Variants in ITGB4 observed in about 807,000 individuals in gnomAD.
ITGB4 encodes the protein integrin subunit beta 4.
In ITGB4, 159 loss-of-function variants were observed where a neutral mutation model predicts 207.6. The ratio of observed to expected loss-of-function variants is 0.77; its 90% CI spans 0.67 to 0.87. The LOEUF (loss-of-function observed/expected upper bound fraction) is 0.87. Among genes scored for constraint, ITGB4 ranks in the 40% least tolerant of loss-of-function variants. The pLI is 0.00. For synonymous variants in ITGB4, 1,020 were observed against 1,062.7 expected (o/e 0.96, Z 0.78); for missense variants, 2,278 against 2,546.8 (o/e 0.89, Z 2.27).
Position 75,750,675 on chromosome 17 carries a change from G to A in ITGB4, c.3475-5G>A, listed in dbSNP as rs750146295. 11 of 1,612,762 alleles carry A rather than the reference G, an allele frequency of 6.8e-6. No individual in the cohort carries two copies. The Admixed American group carries it at 1.2e-4, about 17-fold the overall frequency. ...GCTGACCAGGACCCCTGTCCCTGGG[G>A]GTAGGTAAAGTACTGGATTCAGGGT... On this transcript the variant is annotated splice_polypyrimidine_tract_variant and splice_region_variant and intron_variant, in intron 28 of 39. Coordinates refer to ENST00000200181, the MANE Select transcript of ITGB4 (RefSeq NM_000213.5). This position sits in a 1 kb window ranked among gnomAD's most constrained non-coding sequence, Gnocchi z 5.5.
chr17:75,736,772 T>G lies in ITGB4; in HGVS notation c.1990+78T>G, dbSNP rs1017077739. 17 of 1,487,984 alleles carry G rather than the reference T, an allele frequency of 1.1e-5. No homozygotes were observed. The Admixed American group carries it at 1.4e-4, about 12-fold the overall frequency. 92.2% of individuals were successfully genotyped at this position (1,487,984 alleles called of 1,614,324 possible). Reference sequence around the variant, plus strand: ...CCAACGGGGCAAGGGTGTCATCACCTGGACGGGGGCTTGCAGTCTGGGCTA... The same window carrying G: ...CCAACGGGGCAAGGGTGTCATCACCGGGACGGGGGCTTGCAGTCTGGGCTA... On this transcript the variant is annotated intron_variant, in intron 16 of 39. Coordinates refer to ENST00000200181, the MANE Select transcript of ITGB4 (RefSeq NM_000213.5).
Position 75,752,532 on chromosome 17 carries a change from C to T in ITGB4, c.4063C>T (p.Arg1355Cys), listed in dbSNP as rs530031041. ...CCTTATGTACAGCGATGACGTTCTA[C>T]GCTCTCCATCGGGCAGCCAGAGGCC... ...SFLMYSDDVL[R>C]SPSGSQRPSV... Residue 1355 changes from arginine to cysteine, a missense_variant, in exon 32 of 40, where the codon CGC becomes TGC. Arg to Cys is a radical substitution (Grantham distance 180). Transcript: ENST00000200181. The T allele has an allele frequency of 1.8e-5, 29 of 1,613,526 alleles. No homozygotes were observed. The highest frequency in any genetic ancestry group is 1.3e-4 in the East Asian group (6 of 44,882).
Position 75,749,078 on chromosome 17 carries a change from A to G in ITGB4, c.3316+33A>G, listed in dbSNP as rs761497657. On this transcript the variant is annotated intron_variant, in intron 27 of 39. Transcript: ENST00000200181. Reference sequence around the variant, plus strand: ...GAGCCTGGGGGTCGGCTTAAGCAGGAGGAGAGGGAAGACTGGGGGGTCTCT... The same window carrying G: ...GAGCCTGGGGGTCGGCTTAAGCAGGGGGAGAGGGAAGACTGGGGGGTCTCT... 1.9e-6 allele frequency: 3 copies of G among 1,561,280 alleles called. No homozygotes were observed. In the Admixed American group the frequency reaches 5.1e-5, roughly 27 times the overall value.
In ITGB4 at chr17:75,727,865, G is replaced by A; in HGVS notation, c.469+10G>A. The A allele has an allele frequency of 1.2e-6, 2 of 1,613,160 alleles. No homozygotes were observed. The highest frequency in any genetic ancestry group is 1.7e-6 in the Non-Finnish European group (2 of 1,179,656). ...ATGGGGCAGAACCTGGGTACGGCAG[G>A]GCCAGAGTGGAGGACAGCAGGGCAG... On this transcript the variant is annotated intron_variant, in intron 5 of 39. Coordinates refer to ENST00000200181, the MANE Select transcript of ITGB4 (RefSeq NM_000213.5). This position sits in a 1 kb window ranked among gnomAD's most constrained non-coding sequence, Gnocchi z 6.0.
At chr17:75,751,181 G>GT in intron 30 of ITGB4, 70 bp downstream of exon 30, 2 of 1,576,322 alleles carry the variant, frequency 1.3e-6, no homozygotes, top group Non-Finnish European at 1.7e-6. Context: ...CAAAGCTGGA[G>GT]GGAGCTCTTG....
At chr17:75,737,914 C>T (rs1248163213) in intron 18 of ITGB4, among the ~76,000 whole-genome samples, 2 of 150,378 alleles carry the variant, frequency 1.3e-5, no homozygotes, top group Admixed American at 6.6e-5. Context: ...CACCCTCCAT[C>T]AGGGTCCTCC....
At position 75,750,242 on chromosome 17, in the gene ITGB4, C is replaced by A. The variant is rs778149911; in HGVS notation, c.3448C>A (p.Pro1150Thr). The A allele has an allele frequency of 3.1e-6, 5 of 1,613,404 alleles. No individual in the cohort carries two copies. Among genetic ancestry groups the A allele is most frequent in the Non-Finnish European group, 4.2e-6 (5 of 1,179,856 alleles). ...SRKIHFNWLP[P>T]SGKPMGYRVK... is the part of the protein sequence containing the mutation. ...GAAGATCCATTTCAACTGGCTGCCCCCTTCTGGCAAGCCAATGGGGTACAG... is the reference window on the plus strand; with the variant it reads ...GAAGATCCATTTCAACTGGCTGCCCACTTCTGGCAAGCCAATGGGGTACAG... Residue 1150 changes from proline to threonine, a missense_variant, in exon 28 of 40, where the codon CCT becomes ACT. Coordinates refer to ENST00000200181, the MANE Select transcript of ITGB4 (RefSeq NM_000213.5). The surrounding 1 kb of genome is among the most constrained non-coding windows in gnomAD (Gnocchi z 5.5).
chr17:75,733,041 C>T (rs560434130), intron 12 of ITGB4, among the ~76,000 whole-genome samples: 5 of 151,478 alleles, frequency 3.3e-5, no homozygotes, highest in African/African-American at 9.7e-5. Context: ...GCTGAGATCG[C>T]GCCACTGCAC....
rs557639257 is a variant in ITGB4 at position 75,722,874 on chromosome 17, A to C, written c.-11+1262A>C. Among the ~76,000 whole-genome samples the C allele has an allele frequency of 6.6e-6, 1 of 152,108 alleles. No homozygotes were observed. The highest frequency in any genetic ancestry group is 2.1e-4 in the South Asian group (1 of 4,820). On this transcript the variant is annotated intron_variant, in intron 1 of 39. Transcript: ENST00000200181. This position sits in a 1 kb window ranked among gnomAD's most constrained non-coding sequence, Gnocchi z 6.2. The stretch of plus-strand genomic sequence containing the variant: ...ACACACTCCAGGGACCTGCTGGTAC[A>C]TAAAGTCGGGGCAGCCTGGTGGGGT...
At chr17:75,749,991 T>C in intron 27 of ITGB4, 120 bp from the exon 28 acceptor site, 1 of 1,225,686 alleles carries the variant, frequency 8.2e-7, no homozygotes, top group Non-Finnish European at 1.2e-6. Context: ...GAGACGCGGG[T>C]GGGCAGGTCT....
intron 13 of ITGB4, 92 bp from the exon 14 acceptor site, chr17:75,735,959 C>A: frequency 8.4e-7 from 1 of 1,188,354 alleles, no homozygotes; most frequent in Non-Finnish European, 1.2e-6. Flanking sequence ...GCTCCCACAG[C>A]TCTGTTCCCA....
chr17:75,741,577 G>A (rs1029693568), intron 23 of ITGB4, among the ~76,000 whole-genome samples: 6 of 151,886 alleles, frequency 4.0e-5, no homozygotes, highest in South Asian at 2.1e-4. Context: ...AGGCTGAGGC[G>A]GGTGGATCAC....
chr17:75,737,549 G>T lies in ITGB4; in HGVS notation c.2125G>T (p.Gly709Cys), dbSNP rs1407978739. The change falls in exon 18 of 40, where the codon GGC becomes TGC. Residue 709 changes from glycine (G) to cysteine (C), a missense_variant. Coordinates refer to ENST00000200181, the MANE Select transcript of ITGB4 (RefSeq NM_000213.5). ...CTCCTCCTCTCCAGACTGCCCTCCG[G>T]GCTCCTTCTGGTGGCTCATCCCCCT... is the stretch of plus-strand genomic sequence containing the variant. ...LVHKKKDCPP[G>C]SFWWLIPLLL... 8 of 1,581,820 alleles carry T rather than the reference G, an allele frequency of 5.1e-6. No individual in the cohort carries two copies. The highest frequency in any genetic ancestry group is 6.9e-6 in the Non-Finnish European group (8 of 1,164,614).
chr17:75,721,858 G>A (rs1373408057), intron 1 of ITGB4, among the ~76,000 whole-genome samples: 1 of 152,226 alleles, frequency 6.6e-6, no homozygotes, highest in Admixed American at 6.5e-5. Flanking sequence ...GTGCGCCTGC[G>A]GGAGAAGTGG....
chr17:75,735,631 T>C (rs2060959896), intron 13 of ITGB4, among the ~76,000 whole-genome samples: 1 of 151,856 alleles, frequency 6.6e-6, no homozygotes, highest in Admixed American at 6.6e-5. Context: ...CAGGATGGTC[T>C]CAGTCTCTTG....
chr17:75,748,569 A>G (rs2061286170), intron 26 of ITGB4, among the ~76,000 whole-genome samples: 1 of 151,294 alleles, frequency 6.6e-6, no homozygotes, highest in Admixed American at 6.6e-5. Context: ...ACTCAGGAAG[A>G]TGAGGTGTGA....
Position 75,752,584 on chromosome 17 carries a change from G to A in ITGB4, c.4108+7G>A, listed in dbSNP as rs1401214444. ...AGCGTCTCCGATGACACTGGTGAGT[G>A]GAGACCTGGGACCCACAAGAGGACA... On this transcript the variant is annotated splice_region_variant and intron_variant, in intron 32 of 39. Transcript: ENST00000200181. 4.3e-6 allele frequency: 7 copies of A among 1,613,302 alleles called. No individual in the cohort carries two copies. The highest frequency in any genetic ancestry group is 5.9e-6 in the Non-Finnish European group (7 of 1,179,976).
chr17:75,738,043 C>T lies in ITGB4; in HGVS notation c.2220+399C>T, dbSNP rs114464350. Among the ~76,000 whole-genome samples the T allele has an allele frequency of 4.5e-3, 691 of 152,346 alleles. 5 individuals carry two copies. Among genetic ancestry groups the T allele is most frequent in the African/African-American group, 0.016 (664 of 41,566 alleles). ...CCAGCTGTCTGGATTCTGGTCCCAG[C>T]TCTGTGACCTTGGGCAAATTACTTA... is the stretch of plus-strand genomic sequence containing the variant. On this transcript the variant is annotated intron_variant, in intron 18 of 39. Coordinates refer to ENST00000200181, the MANE Select transcript of ITGB4 (RefSeq NM_000213.5).
chr17:75,744,386 C>T (rs923874828), intron 26 of ITGB4, among the ~76,000 whole-genome samples: 3 of 151,982 alleles, frequency 2.0e-5, no homozygotes, highest in Non-Finnish European at 4.4e-5. Flanking sequence ...TCCCAAAGTG[C>T]TGGGATTACA....
Sources: gnomAD v4.1 joint callset for allele counts (sites outside exome capture counted in the v4.1 genomes callset) on GRCh38, gnomAD v4.1.1 for gene constraint, Gnocchi (gnomAD v3.1) non-coding constraint, MANE v1.5 for transcripts, NCBI Gene and HGNC (gene_info 2026-07-23, HGNC 2026-07-21) for gene names.